The following PLCXD3 variants were observed in gnomAD, a reference collection of about 807,000 sequenced individuals.
PLCXD3 encodes the protein phosphatidylinositol specific phospholipase C X domain containing 3, also known as PI-PLC X domain-containing protein 3.
In PLCXD3, 19 loss-of-function variants were observed where a neutral mutation model predicts 25.5. That is an observed-to-expected ratio of 0.75 (90% CI 0.52 to 1.09). PLCXD3 has a LOEUF of 1.09. Among genes scored for constraint, PLCXD3 ranks in the 50% least tolerant of loss-of-function variants. The probability of loss-of-function intolerance (pLI) is 0.00; values close to 1 mark genes in which losing one functional copy is unlikely to be tolerated. For synonymous variants in PLCXD3, 174 were observed against 137.6 expected (o/e 1.26, Z -1.85); for missense variants, 411 against 388.1 (o/e 1.06, Z -0.50).
chr5:41,439,528 C>A (rs1486845766), intron 1 of PLCXD3, among the ~76,000 whole-genome samples: 2 of 151,832 alleles, frequency 1.3e-5, no homozygotes, highest in Admixed American at 6.6e-5. Context: ...GTCTGGAATG[C>A]GGGTGTCATA....
chr5:41,365,288 T>C (rs1191180865), intron 2 of PLCXD3, among the ~76,000 whole-genome samples: 2 of 152,186 alleles, frequency 1.3e-5, no homozygotes, highest in Non-Finnish European at 2.9e-5. Context: ...GCACCTGATA[T>C]ATGGGCATAA....
intron 2 of PLCXD3, among the ~76,000 whole-genome samples, chr5:41,322,143 A>G (rs767971189): frequency 6.6e-6 from 1 of 152,234 alleles, no homozygotes; most frequent in Non-Finnish European, 1.5e-5. Context: ...TGAAGAGACA[A>G]CCCACAGAAT....
At chr5:41,317,975 C>T (rs747363238) in intron 2 of PLCXD3, among the ~76,000 whole-genome samples, 2 of 151,720 alleles carry the variant, frequency 1.3e-5, no homozygotes, top group Admixed American at 6.6e-5. Context: ...AGAGAACTTC[C>T]CAAACTTAGA....
chr5:41,433,203 C>A (rs1450081182), intron 1 of PLCXD3, among the ~76,000 whole-genome samples: 2 of 152,136 alleles, frequency 1.3e-5, no homozygotes, highest in African/African-American at 4.8e-5. Flanking sequence ...TGCTACTTAC[C>A]AACTGGGTAG....
intron 1 of PLCXD3, among the ~76,000 whole-genome samples, chr5:41,482,811 C>A (rs942000905): frequency 6.6e-6 from 1 of 152,160 alleles, no homozygotes; most frequent in African/African-American, 2.4e-5. Context: ...CATTTACCAT[C>A]TTAACAATTT....
chr5:41,340,819 C>T (rs1312326195), intron 2 of PLCXD3, among the ~76,000 whole-genome samples: 1 of 152,184 alleles, frequency 6.6e-6, no homozygotes, highest in Non-Finnish European at 1.5e-5. Flanking sequence ...TCATGTCCCA[C>T]TGGAAGTCAT....
intron 2 of PLCXD3, among the ~76,000 whole-genome samples, chr5:41,354,772 T>C (rs531129035): frequency 4.6e-5 from 7 of 152,336 alleles, no homozygotes; most frequent in African/African-American, 1.7e-4. Context: ...GAGTGATTTG[T>C]CTAAATCCAA....
Position 41,440,654 on chromosome 5 carries a change from T to C in PLCXD3, c.104-58120A>G, listed in dbSNP as rs559981634. 3.9e-5 allele frequency among the ~76,000 whole-genome samples: 6 copies of C among 152,310 alleles called. No individual in the cohort carries two copies. The South Asian group carries it at 1.0e-3, about 26-fold the overall frequency. On this transcript the variant is annotated intron_variant, in intron 1 of 2. Transcript: ENST00000377801. The stretch of plus-strand genomic sequence containing the variant: ...GTATATATGTACATAGAGGAGTGTG[T>C]GGCATATAATAAGTACTCTATGGGT...
chr5:41,325,845 G>T (rs987441413), intron 2 of PLCXD3, among the ~76,000 whole-genome samples: 15 of 152,186 alleles, frequency 9.9e-5, no homozygotes, highest in African/African-American at 3.6e-4. Flanking sequence ...AAGTTTTGGA[G>T]ACTTAGAAGT....
At chr5:41,406,727 T>C in intron 1 of PLCXD3, among the ~76,000 whole-genome samples, 1 of 152,178 alleles carries the variant, frequency 6.6e-6, no homozygotes, top group East Asian at 1.9e-4. Context: ...TTCAATCCTC[T>C]GTAGCTTTCC....
intron 1 of PLCXD3, among the ~76,000 whole-genome samples, chr5:41,497,178 A>G (rs2111570192): frequency 6.6e-6 from 1 of 151,988 alleles, no homozygotes; most frequent in East Asian, 1.9e-4. Flanking sequence ...AGACAATAAG[A>G]AAAACATAAC....
chr5:41,419,659 A>G (rs570753829), intron 1 of PLCXD3, among the ~76,000 whole-genome samples: 1 of 152,350 alleles, frequency 6.6e-6, no homozygotes, highest in Non-Finnish European at 1.5e-5. Context: ...ACCAATGGCC[A>G]TACTGGAGAA....
At chr5:41,424,703 T>C (rs1746909914) in intron 1 of PLCXD3, among the ~76,000 whole-genome samples, 1 of 152,242 alleles carries the variant, frequency 6.6e-6, no homozygotes, top group East Asian at 1.9e-4. Flanking sequence ...TTTATTCTAT[T>C]TTTTCACATT....
intron 2 of PLCXD3, among the ~76,000 whole-genome samples, chr5:41,333,640 TC>T (rs1743896965): frequency 6.6e-6 from 1 of 152,198 alleles, no homozygotes; most frequent in African/African-American, 2.4e-5. Context: ...AAAATATTTT[TC>T]CCCTAAAATT....
At chr5:41,366,187 G>GC (rs1205342639) in intron 2 of PLCXD3, among the ~76,000 whole-genome samples, 1 of 151,586 alleles carries the variant, frequency 6.6e-6, no homozygotes, top group Non-Finnish European at 1.5e-5. Context: ...GAGAACATGC[G>GC]CCCCACCTCA....
At chr5:41,361,377 A>T (rs1238075478) in intron 2 of PLCXD3, among the ~76,000 whole-genome samples, 32 of 152,180 alleles carry the variant, frequency 2.1e-4, no homozygotes, top group African/African-American at 7.7e-4. Context: ...TTGGTGTCTC[A>T]GGGAGCCTGC....
chr5:41,367,273 C>T (rs1050467328), intron 2 of PLCXD3, among the ~76,000 whole-genome samples: 3 of 152,136 alleles, frequency 2.0e-5, no homozygotes, highest in Admixed American at 6.5e-5. Flanking sequence ...AAAGGTGTTC[C>T]TATTTCTCCA....
At chr5:41,408,133 C>T (rs1746406463) in intron 1 of PLCXD3, among the ~76,000 whole-genome samples, 1 of 152,072 alleles carries the variant, frequency 6.6e-6, no homozygotes. Flanking sequence ...GAGCTTGCTC[C>T]CATTGCCATC....
intron 1 of PLCXD3, among the ~76,000 whole-genome samples, chr5:41,417,000 G>A (rs1308908830): frequency 6.6e-6 from 1 of 152,100 alleles, no homozygotes; most frequent in Non-Finnish European, 1.5e-5. Context: ...ACCAAGACAA[G>A]AACAATGGTG....
Sources: gnomAD v4.1 joint callset for allele counts (sites outside exome capture counted in the v4.1 genomes callset) on GRCh38, gnomAD v4.1.1 for gene constraint, MANE v1.5 for transcripts, NCBI Gene and HGNC (gene_info 2026-07-23, HGNC 2026-07-21) for gene names.